NBPF15: variants seen among roughly 807,000 people sequenced by gnomAD.
NBPF15 encodes the protein NBPF family member NBPF15.
Under a neutral mutation model 62.2 loss-of-function variants are expected in NBPF15, and 74 were observed. The ratio of observed to expected loss-of-function variants is 1.19; its 90% CI spans 0.99 to 1.44. The LOEUF is 1.44. Among genes scored for constraint, NBPF15 ranks in the 40% most tolerant of loss-of-function variants. The pLI, the probability that NBPF15 is intolerant of heterozygous loss-of-function variation, is 0.00. For missense variants in NBPF15, 790 were observed against 550.0 expected, an observed-to-expected ratio of 1.44 and a Z score of -4.36; for synonymous variants, 244 against 209.7, an observed-to-expected ratio of 1.16 and a Z score of -1.41.
rs200949130 is a variant in NBPF15, at chr1:144,423,188, G to T, written c.1838C>A (p.Ser613Ter). 3 of 1,611,460 alleles carry T rather than the reference G, an allele frequency of 1.9e-6. No individual in the cohort carries two copies. Among genetic ancestry groups the T allele is most frequent in the Non-Finnish European group, 1.7e-6 (2 of 1,179,602 alleles). The change falls in exon 22 of 22, where the codon TCG becomes TAG. Residue 613 changes from serine to a stop codon, truncating the protein, a stop_gained. Coordinates refer to ENST00000581897, the MANE Select transcript of NBPF15 (RefSeq NM_001385408.1). LOFTEE classifies it high-confidence loss of function. ...VLQDSLDRCY[S>*]TPSMYFEQPD... ...TTGTTCAAAGTACATTGACGGAGTCGAATAACATCTATCCAGTGAGTCCTG... is the reference window on the plus strand; with the variant it reads ...TTGTTCAAAGTACATTGACGGAGTCTAATAACATCTATCCAGTGAGTCCTG...
At chr1:144,425,091 C>CAG (rs1668720472) in intron 19 of NBPF15, among the ~76,000 whole-genome samples, 2 of 146,786 alleles carry the variant, frequency 1.4e-5, no homozygotes, top group African/African-American at 5.2e-5. Flanking sequence ...CACACACACA[C>CAG]ACACACACAC....
At position 144,422,849 on chromosome 1, in the gene NBPF15, G is replaced by C; in HGVS notation, c.*164C>G. 6.5e-7 allele frequency: 1 copy of C among 1,543,712 alleles called. No homozygotes were observed. The highest frequency in any genetic ancestry group is 8.8e-7 in the Non-Finnish European group (1 of 1,138,270). On this transcript the variant is annotated 3_prime_UTR_variant, in exon 22 of 22. Coordinates refer to ENST00000581897, the MANE Select transcript of NBPF15 (RefSeq NM_001385408.1). ...AACATGGGTCCATTGTCTTCAGATTGAGCACAGGTTGCCAATGGCATGGTT... is the reference window on the plus strand; with the variant it reads ...AACATGGGTCCATTGTCTTCAGATTCAGCACAGGTTGCCAATGGCATGGTT...
intron 6 of NBPF15, among the ~76,000 whole-genome samples, chr1:144,444,750 C>T (rs1463716034): frequency 1.3e-5 from 2 of 151,834 alleles, no homozygotes; most frequent in African/African-American, 4.8e-5. Flanking sequence ...TCCCTGTAAC[C>T]AGTTGCAGAA....
Position 144,422,746 on chromosome 1 carries a change from A to T in NBPF15, c.*267T>A, listed in dbSNP as rs1448177941. ...CCTGAGGAATTTTGTAGCTACCCAG[A>T]GATACGTGGTTCAAATTAAAATGTC... is the stretch of plus-strand genomic sequence containing the variant. On this transcript the variant is annotated 3_prime_UTR_variant, in exon 22 of 22. Transcript: ENST00000581897. 6 of 720,272 alleles carry T rather than the reference A, an allele frequency of 8.3e-6. No individual in the cohort carries two copies. The highest frequency in any genetic ancestry group is 1.9e-5 in the South Asian group (1 of 51,746). 44.6% of individuals were successfully genotyped at this position (720,272 alleles called of 1,614,324 possible). A position where few individuals can be genotyped will look rare whatever the true frequency, so the allele number is the denominator to read the frequency against.
chr1:144,423,279 A>G lies in NBPF15; in HGVS notation c.1770-23T>C, dbSNP rs587611805. On this transcript the variant is annotated intron_variant, in intron 21 of 21. Coordinates refer to ENST00000581897, the MANE Select transcript of NBPF15 (RefSeq NM_001385408.1). ...AGCCTGGAAAAGGAGACAAAACTAA[A>G]GAAGCAGCCAGGGAAAATCAGACAC... The G allele has an allele frequency of 3.1e-6, 5 of 1,611,550 alleles. No homozygotes were observed. The African/African-American group carries it at 6.7e-5, about 22-fold the overall frequency.
In NBPF15 at chr1:144,439,955, TG is replaced by T; in HGVS notation, c.48del (p.Asn16LysfsTer3). On this transcript the variant is annotated frameshift_variant, in exon 8 of 22. Coordinates refer to ENST00000581897, the MANE Select transcript of NBPF15 (RefSeq NM_001385408.1). LOFTEE classifies it high-confidence loss of function. ...CGCAATTTCTCATTGATTTCTAGAA[TG>T]TTCATCTCTGCCTTCTCGCTGGACA... Reference protein sequence around the residue: ...GPLSSEKAEMNILEINEKLRP... With the variant: ...GPLSSEKAEMXILEINEKLRP... 1 of 1,610,840 alleles carries T rather than the reference TG, an allele frequency of 6.2e-7. No homozygotes were observed. The highest frequency in any genetic ancestry group is 1.1e-5 in the South Asian group (1 of 90,956).
chr1:144,445,661 C>T (rs1553543854), intron 6 of NBPF15, among the ~76,000 whole-genome samples: 2 of 151,076 alleles, frequency 1.3e-5, no homozygotes, highest in African/African-American at 4.9e-5. Flanking sequence ...TACCAAAATG[C>T]CGCTTGGAAT....
Position 144,440,243 on chromosome 1 carries a change from C to T in NBPF15, c.-138G>A, listed in dbSNP as rs1378000089. ...TCAGAGCTGAAAGCACTGTCAGTAGCGCAGACTCTGATAAGAGTGAGGTAG... is the reference window on the plus strand; with the variant it reads ...TCAGAGCTGAAAGCACTGTCAGTAGTGCAGACTCTGATAAGAGTGAGGTAG... On this transcript the variant is annotated 5_prime_UTR_variant, in exon 7 of 22. Coordinates refer to ENST00000581897, the MANE Select transcript of NBPF15 (RefSeq NM_001385408.1). 155 of 1,518,888 alleles carry T rather than the reference C, an allele frequency of 1.0e-4. 1 individual carries two copies. The highest frequency in any genetic ancestry group is 1.2e-4 in the Non-Finnish European group (141 of 1,131,934). 94.1% of individuals were successfully genotyped at this position (1,518,888 alleles called of 1,614,324 possible). A position where few individuals can be genotyped will look rare whatever the true frequency, so the allele number is the denominator to read the frequency against.
intron 15 of NBPF15, 25 bp from the exon 16 acceptor site, chr1:144,428,015 A>G (rs1451600564): frequency 3.9e-6 from 3 of 759,764 alleles, no homozygotes; most frequent in Non-Finnish European, 7.3e-6. Flanking sequence ...AAAAGTAAAG[A>G]ATAAGCCAGG....
At chr1:144,456,296 G>C (rs1353801611) in intron 4 of NBPF15, among the ~76,000 whole-genome samples, 1 of 151,946 alleles carries the variant, frequency 6.6e-6, no homozygotes, top group East Asian at 1.9e-4. Context: ...AAGTCCTGGA[G>C]AGAACACTCT....
chr1:144,455,365 C>T lies in NBPF15; in HGVS notation c.-432+1172G>A, dbSNP rs1376005948. On this transcript the variant is annotated intron_variant, in intron 4 of 21. Transcript: ENST00000581897. ...AGGGGAACTTACACCACCAGTATTT[C>T]CCATTAACAGGAACACGCTAACTAG... Among the ~76,000 whole-genome samples the T allele has an allele frequency of 1.3e-4, 20 of 151,992 alleles. 1 individual carries two copies. Among genetic ancestry groups the T allele is most frequent in the African/African-American group, 2.4e-4 (10 of 41,366 alleles).
intron 6 of NBPF15, among the ~76,000 whole-genome samples, chr1:144,440,735 C>T (rs1429407189): frequency 6.7e-6 from 1 of 148,824 alleles, no homozygotes. Context: ...TCACTGCAAG[C>T]TCTGCCTCCC....
chr1:144,434,732 A>C (rs1393660916), intron 12 of NBPF15, among the ~76,000 whole-genome samples: 4 of 151,826 alleles, frequency 2.6e-5, no homozygotes, highest in African/African-American at 7.3e-5. Flanking sequence ...GATATTTCCA[A>C]ATACAAAGGC....
At chr1:144,430,935 G>C (rs1196517740) in intron 13 of NBPF15, among the ~76,000 whole-genome samples, 1 of 152,034 alleles carries the variant, frequency 6.6e-6, no homozygotes, top group Non-Finnish European at 1.5e-5. Context: ...GCATGCACAA[G>C]CTTCAGTAGC....
At chr1:144,423,366 G>C in intron 21 of NBPF15, 110 bp from the exon 22 acceptor site, 1 of 1,597,320 alleles carries the variant, frequency 6.3e-7, no homozygotes, top group Non-Finnish European at 8.5e-7. Flanking sequence ...AAAAAGGATA[G>C]ATTCATTAAT....
In NBPF15 at chr1:144,422,956, C is replaced by T. The variant is rs1308861152; in HGVS notation, c.*57G>A. On this transcript the variant is annotated 3_prime_UTR_variant, in exon 22 of 22. Transcript: ENST00000581897. ...GGAACTGTACTTTCATTCAAATCTT[C>T]TCGTGCCTATAGGTCCTGCCTGCAG... is the stretch of plus-strand genomic sequence containing the variant. 8.3e-5 allele frequency: 134 copies of T among 1,611,612 alleles called. 1 individual carries two copies. In the South Asian group the frequency reaches 1.1e-3, roughly 13 times the overall value.
intron 6 of NBPF15, among the ~76,000 whole-genome samples, chr1:144,444,756 C>T (rs1281974659): frequency 6.6e-6 from 1 of 151,940 alleles, no homozygotes; most frequent in Middle Eastern, 3.4e-3. Flanking sequence ...TAACCAGTTG[C>T]AGAAGTCAAA....
chr1:144,432,516 A>T (rs1675133945), intron 13 of NBPF15, among the ~76,000 whole-genome samples: 1 of 151,986 alleles, frequency 6.6e-6, no homozygotes, highest in Non-Finnish European at 1.5e-5. Context: ...AGAATGGCAA[A>T]TTGGATAAAG....
rs1444182465 is a variant in NBPF15 at position 144,427,171 on chromosome 1, C to T, written c.1214-73G>A. 1,109 of 578,362 alleles carry T rather than the reference C, an allele frequency of 1.9e-3. 15 individuals are homozygous for T. Among genetic ancestry groups the T allele is most frequent in the African/African-American group, 0.018 (900 of 48,664 alleles). 35.8% of individuals were successfully genotyped at this position (578,362 alleles called of 1,614,324 possible). On this transcript the variant is annotated intron_variant, in intron 16 of 21. Transcript: ENST00000581897. The stretch of plus-strand genomic sequence containing the variant: ...CACACATAACAATCCACTGTCTAAT[C>T]CTCACACAGGGACTTCAGGCTCCTC...
Sources: allele counts gnomAD v4.1 joint callset (sites outside exome capture counted in the v4.1 genomes callset), GRCh38; gene constraint gnomAD v4.1.1; transcripts MANE v1.5; gene names NCBI Gene and HGNC (gene_info 2026-07-23, HGNC 2026-07-21).